The following WDR64 variants were observed in gnomAD, a reference collection of about 807,000 sequenced individuals.
The protein encoded by WDR64 is WD repeat-containing protein 64.
Under a neutral mutation model 139.3 loss-of-function variants are expected in WDR64, and 112 were observed. That is an observed-to-expected ratio of 0.80 (90% CI 0.69 to 0.94). The LOEUF (loss-of-function observed/expected upper bound fraction) is 0.94. WDR64 is among the 40% of genes least tolerant of loss of function. WDR64 has a pLI of 0.00. For missense variants in WDR64, 1,206 were observed against 1,293.1 expected (o/e 0.93, Z 1.03); for synonymous variants, 444 against 437.7 (o/e 1.01, Z -0.18).
chr1:241,711,725 A>G (rs932532337), intron 8 of WDR64, 77 bp from the exon 9 acceptor site: 3 of 1,455,612 alleles, frequency 2.1e-6, no homozygotes, highest in Non-Finnish European at 2.9e-6. Flanking sequence ...AGCCTATCAA[A>G]CATAATCTAT....
chr1:241,793,848 A>G (rs1659278040), intron 25 of WDR64, among the ~76,000 whole-genome samples: 2 of 152,222 alleles, frequency 1.3e-5, no homozygotes, highest in African/African-American at 4.8e-5. Context: ...TCCCTGCTTC[A>G]TGTCTCATAA....
chr1:241,704,435 G>A (rs758934686), intron 8 of WDR64, among the ~76,000 whole-genome samples: 2 of 152,154 alleles, frequency 1.3e-5, no homozygotes, highest in Non-Finnish European at 2.9e-5. Flanking sequence ...ATAACAGAAT[G>A]AAAAAGCAAT....
chr1:241,770,590 T>C, intron 17 of WDR64, 31 bp from the exon 18 acceptor site: 1 of 1,543,910 alleles, frequency 6.5e-7, no homozygotes, highest in Middle Eastern at 1.7e-4. Flanking sequence ...TCTTAAAGTT[T>C]TACCTGTGGG....
intron 23 of WDR64, among the ~76,000 whole-genome samples, chr1:241,785,139 A>G (rs1658992714): frequency 6.6e-6 from 1 of 152,124 alleles, no homozygotes. Context: ...ACACAGACGC[A>G]CACACATGGC....
At chr1:241,718,433 A>G (rs1373354778) in intron 9 of WDR64, among the ~76,000 whole-genome samples, 1 of 152,168 alleles carries the variant, frequency 6.6e-6, no homozygotes, top group Non-Finnish European at 1.5e-5. Context: ...CAGGAACAAT[A>G]TCTAGAATTT....
At chr1:241,759,151 T>C (rs1381690779) in intron 15 of WDR64, among the ~76,000 whole-genome samples, 1 of 152,182 alleles carries the variant, frequency 6.6e-6, no homozygotes, top group African/African-American at 2.4e-5. Context: ...CATTACATTA[T>C]ATTCTAGTTT....
intron 13 of WDR64, 113 bp from the exon 14 acceptor site, chr1:241,749,434 A>G: frequency 8.0e-7 from 1 of 1,255,586 alleles, no homozygotes; most frequent in Non-Finnish European, 1.1e-6. Flanking sequence ...GGGAATAAAT[A>G]TAGGATAAAT....
rs1454666441 is a variant in WDR64, at chr1:241,682,993, C to A, written c.625-494C>A. Among the ~76,000 whole-genome samples the A allele has an allele frequency of 3.9e-5, 6 of 152,106 alleles. No individual in the cohort carries two copies. The East Asian group carries it at 1.2e-3, about 29-fold the overall frequency. ...TCCTGGAAGAGCAATAGCTGTATAG[C>A]TTAGTGGCCCCATTCAATAGTACAA... On this transcript the variant is annotated intron_variant, in intron 6 of 27. Transcript: ENST00000437684.
Position 241,772,063 on chromosome 1 carries a change from C to T in WDR64, c.2290+366C>T, listed in dbSNP as rs1019197272. The stretch of plus-strand genomic sequence containing the variant: ...TGGCAGAATTTTCATTATGATGATG[C>T]CTTCTTAAATACTAATTCTAGGTTT... On this transcript the variant is annotated intron_variant, in intron 19 of 27. Coordinates refer to ENST00000437684, the MANE Select transcript of WDR64 (RefSeq NM_001367482.1). Among the ~76,000 whole-genome samples the T allele has an allele frequency of 2.2e-4, 31 of 143,184 alleles. No individual in the cohort carries two copies. The Admixed American group carries it at 2.2e-3, about 10-fold the overall frequency. 93.9% of individuals were successfully genotyped at this position (143,184 alleles called of 152,430 possible).
intron 13 of WDR64, among the ~76,000 whole-genome samples, chr1:241,744,825 C>T (rs146142334): frequency 2.6e-5 from 4 of 152,220 alleles, no homozygotes; most frequent in African/African-American, 9.6e-5. Context: ...TATCTTTCCA[C>T]TTTTGGGTAC....
At chr1:241,797,007 C>G (rs1213543008) in intron 27 of WDR64, among the ~76,000 whole-genome samples, 1 of 152,184 alleles carries the variant, frequency 6.6e-6, no homozygotes, top group Non-Finnish European at 1.5e-5. Flanking sequence ...GTATAACCAT[C>G]CTTGTGTCTT....
At position 241,679,548 on chromosome 1, in the gene WDR64, G is replaced by A. The variant is rs372920259; in HGVS notation, c.577G>A (p.Glu193Lys). Residue 193 changes from glutamate to lysine, a missense_variant, in exon 6 of 28, where the codon GAA (glutamate) becomes AAA (lysine). Physicochemically the swap from Glu to Lys is moderately conservative, Grantham distance 56. Transcript: ENST00000437684. ...GCTGAAACGAATCGTAGCCACAACC[G>A]AAAGGACCATTATTGTCTGGGATTA... ...LQLKRIVATT[E>K]RTIIVWDYKA... is the part of the protein sequence containing the mutation. 5.3e-5 allele frequency: 83 copies of A among 1,551,752 alleles called. No homozygotes were observed. In the Admixed American group the frequency reaches 6.9e-4, roughly 13 times the overall value.
In WDR64 at chr1:241,683,575, T is replaced by A; in HGVS notation, c.713T>A (p.Ile238Asn). Residue 238 changes from isoleucine (I) to asparagine (N), a missense_variant, in exon 7 of 28, where the codon ATC becomes AAC. Ile to Asn is a moderately radical substitution (Grantham distance 149). Coordinates refer to ENST00000437684, the MANE Select transcript of WDR64 (RefSeq NM_001367482.1). The stretch of plus-strand genomic sequence containing the variant: ...CCTGACCATCTCTGCCGAGATGACA[T>A]CCTCTTGGGGGATGATGGGGGTTTT... Reference protein sequence around the residue: ...PLPDHLCRDDILLGDDGGFVN... With the variant: ...PLPDHLCRDDNLLGDDGGFVN... 6.4e-7 allele frequency: 1 copy of A among 1,551,722 alleles called. No homozygotes were observed. Among genetic ancestry groups the A allele is most frequent in the South Asian group, 1.2e-5 (1 of 84,058 alleles).
chr1:241,754,015 T>G (rs554337213), intron 14 of WDR64, among the ~76,000 whole-genome samples: 1 of 151,240 alleles, frequency 6.6e-6, no homozygotes. Context: ...TGAAGAAGGG[T>G]TAGGAACCAG....
intron 27 of WDR64, 117 bp from the exon 28 acceptor site, chr1:241,801,015 A>AT (rs1178735529): frequency 7.8e-5 from 61 of 779,142 alleles, no homozygotes; most frequent in Admixed American, 9.3e-5. Flanking sequence ...ATAACTATTC[A>AT]TTTTTTTTCT....
At chr1:241,676,972 A>T (rs1486073076) in intron 4 of WDR64, among the ~76,000 whole-genome samples, 1 of 152,160 alleles carries the variant, frequency 6.6e-6, no homozygotes, top group Non-Finnish European at 1.5e-5. Flanking sequence ...ATGTGAAAAA[A>T]GTTAAGCTGG....
At chr1:241,782,196 G>A (rs906703387) in intron 22 of WDR64, among the ~76,000 whole-genome samples, 6 of 152,240 alleles carry the variant, frequency 3.9e-5, no homozygotes, top group Admixed American at 2.0e-4. Context: ...GCTGAGGCAG[G>A]AGAATCACCT....
In WDR64 at chr1:241,787,386, C is replaced by T. The variant is rs1397825239; in HGVS notation, c.2706-463C>T. On this transcript the variant is annotated intron_variant, in intron 23 of 27. Transcript: ENST00000437684. ...AAAAAAAAAAAAAAAAAATGTTGGC[C>T]GGACATGGTGGCTCATGCCTATAAT... Among the ~76,000 whole-genome samples the T allele has an allele frequency of 4.1e-5, 6 of 147,108 alleles. No homozygotes were observed. The South Asian group carries it at 6.5e-4, about 16-fold the overall frequency.
intron 6 of WDR64, among the ~76,000 whole-genome samples, chr1:241,682,673 C>T (rs2148108056): frequency 1.3e-5 from 2 of 152,134 alleles, no homozygotes; most frequent in South Asian, 4.1e-4. Context: ...AATGATTTCA[C>T]TCTCCTGCTA....
Sources: allele counts gnomAD v4.1 joint callset (sites outside exome capture counted in the v4.1 genomes callset), GRCh38; gene constraint gnomAD v4.1.1; transcripts MANE v1.5; gene names NCBI Gene and HGNC (gene_info 2026-07-23, HGNC 2026-07-21).